SCRG1: variants seen among roughly 807,000 people sequenced by gnomAD.
SCRG1 encodes scrapie-responsive protein 1.
In SCRG1, 3 loss-of-function variants were observed where a neutral mutation model predicts 7.7. That is an observed-to-expected ratio of 0.39 (90% CI 0.18 to 1.01). The LOEUF is 1.01. Among genes scored for constraint, SCRG1 ranks in the 50% least tolerant of loss-of-function variants. The pLI is 0.36. For missense variants in SCRG1, 110 were observed against 117.2 expected (o/e 0.94, Z 0.28); for synonymous variants, 46 against 41.2 (o/e 1.12, Z -0.44).
intron 1 of SCRG1, among the ~76,000 whole-genome samples, chr4:173,395,912 G>A (rs940160599): frequency 2.0e-5 from 3 of 152,194 alleles, no homozygotes; most frequent in African/African-American, 4.8e-5. Flanking sequence ...ATGATAAAGA[G>A]TTTAGATTTT....
the SCRG1 span, among the ~76,000 whole-genome samples, chr4:173,423,586 C>A: frequency 6.6e-6 from 1 of 151,920 alleles, no homozygotes; most frequent in Non-Finnish European, 1.5e-5. Flanking sequence ...ATAAAAAAAC[C>A]TTTTATTTGT....
chr4:173,409,496 G>T (rs1221369760), upstream of SCRG1, among the ~76,000 whole-genome samples: 4 of 151,916 alleles, frequency 2.6e-5, no homozygotes, highest in African/African-American at 9.7e-5. Context: ...TATCCTTCCA[G>T]GTTGTGACTC....
chr4:173,515,045 T>C, the SCRG1 span, among the ~76,000 whole-genome samples: 799 of 152,314 alleles, frequency 5.2e-3, 23 homozygotes, highest in East Asian at 0.1. The surrounding 1 kb of genome is among the most constrained non-coding windows in gnomAD (Gnocchi z 4.6). Flanking sequence ...TGGAAGCTGA[T>C]AGGCATTTCA....
At chr4:173,428,112 T>C in the SCRG1 span, among the ~76,000 whole-genome samples, 31 of 152,290 alleles carry the variant, frequency 2.0e-4, no homozygotes, top group Admixed American at 4.6e-4. Flanking sequence ...GGATACAGGA[T>C]AGATGGTGAA....
At chr4:173,393,746 A>T (rs956443678) in intron 1 of SCRG1, among the ~76,000 whole-genome samples, 1 of 151,322 alleles carries the variant, frequency 6.6e-6, no homozygotes, top group African/African-American at 2.4e-5. Context: ...TTGTGTTGCT[A>T]TTTCTCATTT....
chr4:173,483,269 TG>T, the SCRG1 span, among the ~76,000 whole-genome samples: 1 of 68,292 alleles, frequency 1.5e-5, no homozygotes, highest in Admixed American at 2.5e-4. Context: ...ATATCATATA[TG>T]ATATATAATA....
At chr4:173,476,061 T>C in the SCRG1 span, among the ~76,000 whole-genome samples, 7 of 151,758 alleles carry the variant, frequency 4.6e-5, no homozygotes, top group Non-Finnish European at 1.0e-4. Flanking sequence ...TATATACATT[T>C]TAAAATGGTT....
the SCRG1 span, among the ~76,000 whole-genome samples, chr4:173,483,939 A>T: frequency 1.3e-5 from 1 of 78,950 alleles, no homozygotes; most frequent in Non-Finnish European, 2.2e-5. Context: ...CATATATAAT[A>T]TAAATCATAT....
At chr4:173,413,101 A>G in the SCRG1 span, among the ~76,000 whole-genome samples, 1 of 151,920 alleles carries the variant, frequency 6.6e-6, no homozygotes, top group Admixed American at 6.6e-5. Context: ...GGTTGATCTC[A>G]TAAGTTGCAT....
At chr4:173,452,602 C>T in the SCRG1 span, among the ~76,000 whole-genome samples, 1 of 152,126 alleles carries the variant, frequency 6.6e-6, no homozygotes, top group Non-Finnish European at 1.5e-5. Flanking sequence ...GCTCTCAAAC[C>T]CATTTCCTGG....
chr4:173,503,599 G>A, the SCRG1 span, among the ~76,000 whole-genome samples: 13 of 152,132 alleles, frequency 8.5e-5, no homozygotes, highest in Non-Finnish European at 1.6e-4. The surrounding 1 kb of genome is among the most constrained non-coding windows in gnomAD (Gnocchi z 6.4). Context: ...TAGAATTTCC[G>A]AAGACACAAA....
At chr4:173,487,424 A>T in the SCRG1 span, among the ~76,000 whole-genome samples, 1 of 152,214 alleles carries the variant, frequency 6.6e-6, no homozygotes, top group South Asian at 2.1e-4. Context: ...AACAAGATGA[A>T]GCTAGACAGC....
chr4:173,504,780 C>T, the SCRG1 span, among the ~76,000 whole-genome samples: 1 of 152,186 alleles, frequency 6.6e-6, no homozygotes, highest in African/African-American at 2.4e-5. This position sits in a 1 kb window ranked among gnomAD's most constrained non-coding sequence, Gnocchi z 4.7. Context: ...GAGTTCAATT[C>T]ACATTGGCAG....
chr4:173,397,762 A>T (rs1739646192), intron 1 of SCRG1, among the ~76,000 whole-genome samples: 1 of 152,252 alleles, frequency 6.6e-6, no homozygotes, highest in African/African-American at 2.4e-5. Flanking sequence ...TTAAGTGTTC[A>T]GACATTTATG....
At chr4:173,415,222 T>C in the SCRG1 span, among the ~76,000 whole-genome samples, 1 of 152,236 alleles carries the variant, frequency 6.6e-6, no homozygotes, top group Admixed American at 6.5e-5. Context: ...ATGAAAGTTC[T>C]GTGAGGTGGC....
the SCRG1 span, among the ~76,000 whole-genome samples, chr4:173,484,631 ATT>A: frequency 1.0e-5 from 1 of 96,342 alleles, no homozygotes; most frequent in Non-Finnish European, 1.8e-5. Flanking sequence ...TGTAATATAT[ATT>A]ATATGCATAT....
chr4:173,497,331 C>A, the SCRG1 span, among the ~76,000 whole-genome samples: 3 of 152,140 alleles, frequency 2.0e-5, no homozygotes, highest in Non-Finnish European at 2.9e-5. Flanking sequence ...CACTGCCTAC[C>A]TATGGTCCCT....
At chr4:173,487,087 T>G in the SCRG1 span, among the ~76,000 whole-genome samples, 1 of 152,218 alleles carries the variant, frequency 6.6e-6, no homozygotes, top group Non-Finnish European at 1.5e-5. Flanking sequence ...GAGAGTCTGC[T>G]TTAATTAGTA....
chr4:173,447,645 A>G, the SCRG1 span, among the ~76,000 whole-genome samples: 1 of 152,344 alleles, frequency 6.6e-6, no homozygotes, highest in South Asian at 2.1e-4. Context: ...TCTGAACAAG[A>G]CAATCAGGAT....
Sources: gnomAD v4.1 joint callset for allele counts (sites outside exome capture counted in the v4.1 genomes callset) on GRCh38, gnomAD v4.1.1 for gene constraint, Gnocchi (gnomAD v3.1) non-coding constraint, MANE v1.5 for transcripts, NCBI Gene and HGNC (gene_info 2026-07-23, HGNC 2026-07-21) for gene names.